The following PTPRK variants were observed in gnomAD, a reference collection of about 807,000 sequenced individuals.
The protein encoded by PTPRK is protein tyrosine phosphatase receptor type K.
A neutral mutation model predicts 178.0 loss-of-function variants in PTPRK; 75 were observed. The ratio of observed to expected loss-of-function variants is 0.42; its 90% CI spans 0.35 to 0.51. The LOEUF is 0.51. Ranked by LOEUF, PTPRK falls within the 20% of genes least tolerant of loss-of-function variation. The pLI, the probability that PTPRK is intolerant of heterozygous loss-of-function variation, is 0.02. For missense variants in PTPRK, 1,441 were observed against 1,797.8 expected, an observed-to-expected ratio of 0.80 and a Z score of 3.59; for synonymous variants, 637 against 620.6, an observed-to-expected ratio of 1.03 and a Z score of -0.39.
chr6:127,977,326 T>C (rs1400118671), intron 25 of PTPRK, among the ~76,000 whole-genome samples: 4 of 152,198 alleles, frequency 2.6e-5, no homozygotes. Context: ...CTGAAAGACG[T>C]AAATACAGGA....
At chr6:128,488,555 C>A (rs753419501) in intron 1 of PTPRK, among the ~76,000 whole-genome samples, 2 of 152,156 alleles carry the variant, frequency 1.3e-5, no homozygotes, top group Non-Finnish European at 2.9e-5. Flanking sequence ...CAATAGAATA[C>A]GCGATTTCTA....
chr6:128,341,804 G>A (rs557610604), intron 2 of PTPRK, among the ~76,000 whole-genome samples: 2 of 152,304 alleles, frequency 1.3e-5, no homozygotes, highest in South Asian at 2.1e-4. Flanking sequence ...TTACTGCCTG[G>A]AGAATACAGG....
intron 13 of PTPRK, among the ~76,000 whole-genome samples, chr6:128,025,258 T>C (rs989624086): frequency 2.0e-5 from 3 of 152,262 alleles, no homozygotes; most frequent in African/African-American, 7.2e-5. Flanking sequence ...TTTGTATGAA[T>C]TCATATAACG....
At chr6:128,464,638 C>CATATATATATATACACAT (rs1849544400) in intron 1 of PTPRK, among the ~76,000 whole-genome samples, 2 of 48,602 alleles carry the variant, frequency 4.1e-5, no homozygotes, top group African/African-American at 1.9e-4. Flanking sequence ...TATATATACA[C>CATATATATATATACACAT]ATATATATAT....
At chr6:128,154,355 G>GT (rs1269792561) in intron 7 of PTPRK, among the ~76,000 whole-genome samples, 1 of 151,640 alleles carries the variant, frequency 6.6e-6, no homozygotes, top group Admixed American at 6.6e-5. Flanking sequence ...GCAAAATTCA[G>GT]TTTTATTGGT....
chr6:128,372,559 G>A (rs895180004), intron 2 of PTPRK, among the ~76,000 whole-genome samples: 1 of 152,182 alleles, frequency 6.6e-6, no homozygotes, highest in Non-Finnish European at 1.5e-5. Context: ...CCAAAGAGTT[G>A]AAAAGCAGGC....
chr6:128,215,787 C>G (rs574494939), intron 6 of PTPRK, among the ~76,000 whole-genome samples: 4 of 152,176 alleles, frequency 2.6e-5, no homozygotes, highest in African/African-American at 9.6e-5. Context: ...CATGCCAGCT[C>G]TTATTAAAGA....
intron 7 of PTPRK, among the ~76,000 whole-genome samples, chr6:128,128,724 A>C (rs1466607094): frequency 7.2e-5 from 11 of 152,324 alleles, no homozygotes; most frequent in Admixed American, 7.2e-4. Flanking sequence ...ATACAGTAAA[A>C]ACTTTTGAAG....
chr6:128,124,106 A>T (rs1021858969), intron 7 of PTPRK, among the ~76,000 whole-genome samples: 1 of 151,656 alleles, frequency 6.6e-6, no homozygotes, highest in African/African-American at 2.4e-5. Context: ...TTCAGTGGCA[A>T]CATCTCAGCT....
chr6:128,448,291 T>A (rs1384942288), intron 1 of PTPRK, among the ~76,000 whole-genome samples: 1 of 152,204 alleles, frequency 6.6e-6, no homozygotes, highest in East Asian at 1.9e-4. Flanking sequence ...TCTGGAGAGA[T>A]AATAAATGAT....
chr6:128,093,617 A>AAAAAC (rs1787399123), intron 7 of PTPRK, among the ~76,000 whole-genome samples: 1 of 148,786 alleles, frequency 6.7e-6, no homozygotes, highest in African/African-American at 2.5e-5. Flanking sequence ...AAAAAAAAAA[A>AAAAAC]AAAAAACGAA....
rs537757524 is a variant in PTPRK at position 128,168,023 on chromosome 6, A to C, written c.1162+16409T>G. ...TGAGAAACTTTAAAAATCTTATTTA[A>C]AACATTATCCTAAAAGCAGAGCAAA... On this transcript the variant is annotated intron_variant, in intron 7 of 29. Transcript: ENST00000368226. 2.4e-4 allele frequency among the ~76,000 whole-genome samples: 37 copies of C among 152,224 alleles called. No homozygotes were observed. The South Asian group carries it at 4.3e-3, about 18-fold the overall frequency.
At chr6:128,135,642 G>A (rs557221530) in intron 7 of PTPRK, among the ~76,000 whole-genome samples, 1 of 152,182 alleles carries the variant, frequency 6.6e-6, no homozygotes, top group South Asian at 2.1e-4. Context: ...TTAGAAACAA[G>A]GCCTTCTTAG....
intron 11 of PTPRK, among the ~76,000 whole-genome samples, chr6:128,068,595 A>G (rs1782248520): frequency 6.6e-6 from 1 of 152,116 alleles, no homozygotes; most frequent in African/African-American, 2.4e-5. Flanking sequence ...AATTTAAAAT[A>G]AAGATCCCCC....
At chr6:128,152,972 G>C (rs1431658032) in intron 7 of PTPRK, among the ~76,000 whole-genome samples, 1 of 151,892 alleles carries the variant, frequency 6.6e-6, no homozygotes, top group African/African-American at 2.4e-5. Flanking sequence ...GACTGACTCT[G>C]TAACACCTCT....
chr6:128,219,086 C>T lies in PTPRK; in HGVS notation c.704G>A (p.Gly235Glu). 1 of 1,612,004 alleles carries T rather than the reference C, an allele frequency of 6.2e-7. No individual in the cohort carries two copies. Among genetic ancestry groups the T allele is most frequent in the Non-Finnish European group, 8.5e-7 (1 of 1,178,822 alleles). The change falls in exon 6 of 30, where the codon GGA becomes GAA. Residue 235 changes from glycine to glutamate, a missense_variant. Transcript: ENST00000368226. ...HNKLWLQRRN[G>E]EDIPVAQTKN... is the part of the protein sequence containing the mutation. ...AGTCTGGGCTACTGGTATATCTTCT[C>T]CATTTCGTCTCTGCAAACAGAAACC...
intron 12 of PTPRK, 29 bp from the exon 13 acceptor site, chr6:128,064,823 AG>A: frequency 6.4e-7 from 1 of 1,570,348 alleles, no homozygotes; most frequent in Non-Finnish European, 8.6e-7. Context: ...AAAAAAAAAG[AG>A]TCAATGTACA....
At position 127,981,388 on chromosome 6, in the gene PTPRK, G is replaced by A. The variant is rs147844886; in HGVS notation, c.3538-99C>T. 1.5e-4 allele frequency: 141 copies of A among 943,162 alleles called. No individual in the cohort carries two copies. The East Asian group carries it at 3.7e-3, about 25-fold the overall frequency. The allele number at this position is 943,162 out of a possible 1,614,324, so 58.4% of individuals were successfully genotyped here. On this transcript the variant is annotated intron_variant, in intron 24 of 29. Coordinates refer to ENST00000368226, the MANE Select transcript of PTPRK (RefSeq NM_002844.4). The stretch of plus-strand genomic sequence containing the variant: ...TTTAGAAGGCCAAGTAGAAAGTGAA[G>A]GATTTGTGCGAGGCAATGGCATTTG...
intron 7 of PTPRK, among the ~76,000 whole-genome samples, chr6:128,178,986 T>C (rs1801510888): frequency 6.6e-6 from 1 of 151,944 alleles, no homozygotes; most frequent in Non-Finnish European, 1.5e-5. Context: ...ACATTATCCA[T>C]TAGAGGTAGA....
Sources: gnomAD v4.1 joint callset for allele counts (sites outside exome capture counted in the v4.1 genomes callset) on GRCh38, gnomAD v4.1.1 for gene constraint, MANE v1.5 for transcripts, NCBI Gene and HGNC (gene_info 2026-07-23, HGNC 2026-07-21) for gene names.